ZNF761: variants seen among roughly 807,000 people sequenced by gnomAD.
ZNF761 encodes zinc finger protein 761.
Under a neutral mutation model 59.9 loss-of-function variants are expected in ZNF761, and 43 were observed. The observed-to-expected ratio is 0.72, with a 90% CI of 0.56 to 0.92. ZNF761 has a LOEUF of 0.92. Among genes scored for constraint, ZNF761 ranks in the 40% least tolerant of loss-of-function variants. The pLI, the probability that ZNF761 is intolerant of heterozygous loss-of-function variation, is 0.00. For synonymous variants in ZNF761, 294 were observed against 304.8 expected, an observed-to-expected ratio of 0.96 and a Z score of 0.37; for missense variants, 850 against 906.1, an observed-to-expected ratio of 0.94 and a Z score of 0.79.
chr19:53,445,182 C>T (rs11084252), intron 1 of ZNF761: 3 of 151,960 alleles, frequency 2.0e-5, no homozygotes, highest in African/African-American at 7.3e-5. Context: ...TTGCTTATGT[C>T]TTAGTTCTAC....
chr19:53,458,010 G>A lies in ZNF761; in HGVS notation c.*1262G>A, dbSNP rs1202590613. The A allele has an allele frequency of 6.6e-6, 1 of 152,414 alleles. No individual in the cohort carries two copies. The highest frequency in any genetic ancestry group is 2.4e-5 in the African/African-American group (1 of 41,428). 9.4% of individuals were successfully genotyped at this position (152,414 alleles called of 1,614,324 possible). On this transcript the variant is annotated 3_prime_UTR_variant, in exon 5 of 5. Transcript: ENST00000684525. The stretch of plus-strand genomic sequence containing the variant: ...TGTAGATTTCAAGGTACAAACTTCT[G>A]ACCTTTGTACGTTTATTTCTAAGTA...
intron 3 of ZNF761, 21 bp downstream of exon 3, chr19:53,447,304 G>T (rs2086171075): frequency 6.2e-7 from 1 of 1,612,816 alleles, no homozygotes; most frequent in South Asian, 1.1e-5. Context: ...ATTTTCAGTG[G>T]ATTGTTCTGT....
chr19:53,455,479 A>C lies in ZNF761; in HGVS notation c.972A>C (p.Lys324Asn). The C allele has an allele frequency of 6.2e-7, 1 of 1,613,430 alleles. No homozygotes were observed. The highest frequency in any genetic ancestry group is 8.5e-7 in the Non-Finnish European group (1 of 1,179,892). ...ATAGGATAATTCATACTGAAGAGAA[A>C]CCATATAAGTGTAATGAGTGTGGCA... ...ERHRIIHTEE[K>N]PYKCNECGKT... The change falls in exon 5 of 5, where the codon AAA (lysine) becomes AAC (asparagine). Residue 324 changes from lysine (K) to asparagine (N), a missense_variant. By Grantham distance (94) the Lys-to-Asn change is moderately conservative. Transcript: ENST00000684525.
chr19:53,433,018 G>A (rs1049021939), intron 1 of ZNF761, among the ~76,000 whole-genome samples: 3 of 149,754 alleles, frequency 2.0e-5, no homozygotes, highest in South Asian at 2.1e-4. Context: ...GACACCTGGG[G>A]ATCTGGGGTG....
chr19:53,454,630 T>G lies in ZNF761; in HGVS notation c.143-20T>G, dbSNP rs762425731. On this transcript the variant is annotated intron_variant, in intron 4 of 4. Coordinates refer to ENST00000684525, the MANE Select transcript of ZNF761 (RefSeq NM_001289951.2). ...CCATCTGTACTTAATTTGAAAGCTT[T>G]CGGTGTTTATGTTTTGTAGATATCT... 1.3e-6 allele frequency: 2 copies of G among 1,556,810 alleles called. No homozygotes were observed. The highest frequency in any genetic ancestry group is 1.7e-6 in the Non-Finnish European group (2 of 1,153,160).
intron 1 of ZNF761, chr19:53,444,609 G>T (rs1483559437): frequency 6.6e-6 from 1 of 152,240 alleles, no homozygotes; most frequent in East Asian, 1.9e-4. Context: ...TCAGAGACCA[G>T]TGCCGATGCG....
intron 1 of ZNF761, among the ~76,000 whole-genome samples, chr19:53,435,975 T>A (rs531265308): frequency 3.4e-4 from 52 of 152,274 alleles, no homozygotes; most frequent in Middle Eastern, 3.4e-3. Flanking sequence ...TGACTAGAGC[T>A]GGGCTTGTCG....
chr19:53,445,543 C>G (rs2086147980), intron 1 of ZNF761, among the ~76,000 whole-genome samples: 2 of 152,078 alleles, frequency 1.3e-5, no homozygotes, highest in Admixed American at 6.6e-5. Context: ...AGGGGCTAGA[C>G]CAGAAAAGCT....
At chr19:53,432,881 A>G (rs745990415) in intron 1 of ZNF761, among the ~76,000 whole-genome samples, 19 of 151,922 alleles carry the variant, frequency 1.3e-4, no homozygotes, top group Non-Finnish European at 2.4e-4. Context: ...ACAGCAAGGT[A>G]GGGAGAGGGA....
intron 4 of ZNF761, 53 bp from the exon 5 acceptor site, chr19:53,454,597 A>G (rs180718989): frequency 4.0e-6 from 6 of 1,503,372 alleles, no homozygotes; most frequent in Non-Finnish European, 2.7e-6. Flanking sequence ...ACATTTCAGC[A>G]TTATTTACCA....
chr19:53,450,662 TG>T (rs1357204032), intron 4 of ZNF761, among the ~76,000 whole-genome samples: 1 of 152,128 alleles, frequency 6.6e-6, no homozygotes, highest in African/African-American at 2.4e-5. Context: ...TACAGTTCAG[TG>T]GTACGATCTT....
At chr19:53,440,450 TA>T (rs199632737) in intron 1 of ZNF761, among the ~76,000 whole-genome samples, 5,758 of 152,250 alleles carry the variant, frequency 0.038, 231 homozygotes, top group African/African-American at 0.099. Context: ...TTGTTTAAAT[TA>T]TACAGATGAG....
Position 53,447,179 on chromosome 19 carries a change from A to G in ZNF761, c.-73-17A>G. 1 of 1,530,566 alleles carries G rather than the reference A, an allele frequency of 6.5e-7. No individual in the cohort carries two copies. Among genetic ancestry groups the G allele is most frequent in the Non-Finnish European group, 8.9e-7 (1 of 1,121,638 alleles). 94.8% of individuals were successfully genotyped at this position (1,530,566 alleles called of 1,614,324 possible). On this transcript the variant is annotated splice_polypyrimidine_tract_variant and intron_variant, in intron 2 of 4. Coordinates refer to ENST00000684525, the MANE Select transcript of ZNF761 (RefSeq NM_001289951.2). ...GTGTTGATTCTGAGCAATAAACAACATATTTCTAACATTCAGGATTGACTT... is the reference window on the plus strand; with the variant it reads ...GTGTTGATTCTGAGCAATAAACAACGTATTTCTAACATTCAGGATTGACTT...
intron 1 of ZNF761, chr19:53,444,813 C>T (rs1247728103): frequency 1.3e-5 from 2 of 152,234 alleles, no homozygotes; most frequent in East Asian, 1.9e-4. Context: ...GCCTTCCACC[C>T]TTTGGCACAG....
In ZNF761 at chr19:53,455,441, A is replaced by G. The variant is rs2086258638; in HGVS notation, c.934A>G (p.Ile312Val). 1 of 1,612,840 alleles carries G rather than the reference A, an allele frequency of 6.2e-7. No individual in the cohort carries two copies. The highest frequency in any genetic ancestry group is 2.2e-5 in the East Asian group (1 of 44,766). Residue 312 changes from isoleucine (I) to valine (V), a missense_variant, in exon 5 of 5, where the codon ATA becomes GTA. Physicochemically the swap from Ile to Val is conservative, Grantham distance 29. Coordinates refer to ENST00000684525, the MANE Select transcript of ZNF761 (RefSeq NM_001289951.2). ...ECDKAFHFKS[I>V]LERHRIIHTE... is the part of the protein sequence containing the mutation. ...TGACAAAGCTTTCCATTTCAAATCA[A>G]TACTTGAAAGACATAGGATAATTCA...
intron 4 of ZNF761, among the ~76,000 whole-genome samples, chr19:53,453,436 T>A (rs2086238039): frequency 6.6e-6 from 1 of 152,228 alleles, no homozygotes; most frequent in Non-Finnish European, 1.5e-5. Context: ...TGGAATTGTT[T>A]AGAATTTTGC....
intron 4 of ZNF761, among the ~76,000 whole-genome samples, chr19:53,453,600 A>T (rs1393741822): frequency 1.3e-5 from 2 of 152,208 alleles, no homozygotes; most frequent in Non-Finnish European, 2.9e-5. Flanking sequence ...GTGCCACCAG[A>T]TGCTGTGGCT....
intron 1 of ZNF761, chr19:53,442,139 G>A (rs1182932430): frequency 2.8e-5 from 30 of 1,083,514 alleles, no homozygotes; most frequent in Non-Finnish European, 3.9e-5. Flanking sequence ...AGATACAAAG[G>A]TTATTGAAAT....
At chr19:53,441,868 TGG>T in intron 1 of ZNF761, 1 of 1,575,720 alleles carries the variant, frequency 6.3e-7, no homozygotes, top group Non-Finnish European at 8.6e-7. Flanking sequence ...GCAGCATGGC[TGG>T]GATCACCACC....
Sources: allele counts gnomAD v4.1 joint callset (sites outside exome capture counted in the v4.1 genomes callset), GRCh38; gene constraint gnomAD v4.1.1; transcripts MANE v1.5; gene names NCBI Gene and HGNC (gene_info 2026-07-23, HGNC 2026-07-21).